Variants in SYT7 observed in about 807,000 individuals in gnomAD.
SYT7 encodes synaptotagmin-7.
A neutral mutation model predicts 75.1 loss-of-function variants in SYT7; 29 were observed. The observed-to-expected ratio is 0.39, with a 90% CI of 0.29 to 0.53. The LOEUF is 0.53. Ranked by LOEUF, SYT7 falls within the 20% of genes least tolerant of loss-of-function variation. The pLI is 0.77. For synonymous variants in SYT7, 376 were observed against 401.7 expected, an observed-to-expected ratio of 0.94 and a Z score of 0.76; for missense variants, 693 against 953.2, an observed-to-expected ratio of 0.73 and a Z score of 3.59.
At chr11:61,563,658 G>A (rs773740879) in intron 1 of SYT7, among the ~76,000 whole-genome samples, 1 of 152,256 alleles carries the variant, frequency 6.6e-6, no homozygotes, top group Non-Finnish European at 1.5e-5. Flanking sequence ...CCACAAGCAG[G>A]CCAACCCTTG....
rs537638704 is a variant in SYT7, at chr11:61,551,822, C to T, written c.136-359G>A. 2.0e-5 allele frequency among the ~76,000 whole-genome samples: 3 copies of T among 152,284 alleles called. No homozygotes were observed. The highest frequency in any genetic ancestry group is 1.9e-4 in the East Asian group (1 of 5,172). On this transcript the variant is annotated intron_variant, in intron 2 of 12. Coordinates refer to ENST00000539008, the MANE Select transcript of SYT7 (RefSeq NM_001365809.2). The surrounding 1 kb of genome is among the most constrained non-coding windows in gnomAD (Gnocchi z 5.3). The stretch of plus-strand genomic sequence containing the variant: ...CAGACGGCTCTCAGGCGCCTGGCCA[C>T]GTCACACTGTCCACGTCACCGCCCC...
At chr11:61,550,856 G>A (rs1010822055) in intron 3 of SYT7, among the ~76,000 whole-genome samples, 1 of 152,180 alleles carries the variant, frequency 6.6e-6, no homozygotes, top group African/African-American at 2.4e-5. Context: ...AGCGGCCGGT[G>A]GGGTTGACGG....
chr11:61,530,731 G>T, intron 8 of SYT7: 1 of 910,794 alleles, frequency 1.1e-6, no homozygotes, highest in Non-Finnish European at 1.3e-6. Flanking sequence ...CAAACAGTGT[G>T]GTCTTGGGAA....
At chr11:61,532,758 T>G (rs1301339229) in intron 8 of SYT7, among the ~76,000 whole-genome samples, 1 of 152,130 alleles carries the variant, frequency 6.6e-6, no homozygotes, top group East Asian at 1.9e-4. Flanking sequence ...AACTGAGACA[T>G]GGAGAAGATA....
chr11:61,526,490 C>T (rs2062520234), intron 9 of SYT7: 1 of 152,212 alleles, frequency 6.6e-6, no homozygotes, highest in Non-Finnish European at 1.5e-5. Context: ...ATACTGGCTT[C>T]CTGCAGCTCC....
At chr11:61,538,399 G>GAGAGAGAGAGAGAGAGAGAGAGAGAC (rs1565180504) in intron 6 of SYT7, 133 bp from the exon 7 acceptor site, 1 of 759,252 alleles carries the variant, frequency 1.3e-6, no homozygotes, top group African/African-American at 1.8e-5. Flanking sequence ...AAGAGAGAGA[G>GAGAGAGAGAGAGAGAGAGAGAGAGAC]AGAGACAGAG....
chr11:61,538,099 T>G (rs1334397717), intron 7 of SYT7, 45 bp downstream of exon 7: 55 of 1,532,730 alleles, frequency 3.6e-5, no homozygotes, highest in Non-Finnish European at 4.6e-5. Context: ...TCTCCGCGCC[T>G]CCTTCTCTGC....
In SYT7 at chr11:61,576,542, G is replaced by A. The variant is rs1323663605; in HGVS notation, c.31+4248C>T. Among the ~76,000 whole-genome samples the A allele has an allele frequency of 6.6e-6, 1 of 152,206 alleles. No homozygotes were observed. Among genetic ancestry groups the A allele is most frequent in the East Asian group, 1.9e-4 (1 of 5,200 alleles). On this transcript the variant is annotated intron_variant, in intron 1 of 12. Transcript: ENST00000539008. This position sits in a 1 kb window ranked among gnomAD's most constrained non-coding sequence, Gnocchi z 4.1. Reference sequence around the variant, plus strand: ...AAGCCAACTCATTCTCCAGCTGGGGGTCATCAGCTCCGGACTGGGCCTCCC... The same window carrying A: ...AAGCCAACTCATTCTCCAGCTGGGGATCATCAGCTCCGGACTGGGCCTCCC...
chr11:61,533,193 G>A, intron 7 of SYT7, 69 bp from the exon 8 acceptor site: 1 of 1,496,330 alleles, frequency 6.7e-7, no homozygotes, highest in Non-Finnish European at 8.9e-7. Flanking sequence ...CGGCCTGGGG[G>A]GTGGCAGGAC....
intron 9 of SYT7, 108 bp downstream of exon 9, chr11:61,527,807 G>A: frequency 7.5e-7 from 1 of 1,328,760 alleles, no homozygotes; most frequent in Non-Finnish European, 1.0e-6. Flanking sequence ...GGGCCTGCAG[G>A]TGTGTGTACA....
At chr11:61,568,192 A>C (rs1230022548) in intron 1 of SYT7, among the ~76,000 whole-genome samples, 1 of 144,610 alleles carries the variant, frequency 6.9e-6, no homozygotes, top group Non-Finnish European at 1.5e-5. Flanking sequence ...CTGTTCCCCC[A>C]CCCTACAGGT....
chr11:61,532,121 C>T (rs1437853405), intron 8 of SYT7, among the ~76,000 whole-genome samples: 1 of 152,004 alleles, frequency 6.6e-6, no homozygotes, highest in Non-Finnish European at 1.5e-5. Context: ...CTGGGAGCTC[C>T]CAAGCCTACT....
rs1309909223 is a variant in SYT7 at position 61,542,516 on chromosome 11, C to T, written c.636G>A (p.Glu212=). The part of the protein sequence containing the change: ...TLESIPSSTG[E]PKCQRPRTLM... ...GGGTGCGGGGTCGCTGGCATTTCGG[C>T]TCTCCCGTGGAGCTGGGGATAGACT... is the stretch of plus-strand genomic sequence containing the variant. The change falls in exon 6 of 13, where the codon GAG becomes GAA. Residue 212 remains glutamate (E), a synonymous_variant. Transcript: ENST00000539008. This position sits in a 1 kb window ranked among gnomAD's most constrained non-coding sequence, Gnocchi z 7.8. 1.3e-6 allele frequency: 2 copies of T among 1,531,532 alleles called. No individual in the cohort carries two copies. The highest frequency in any genetic ancestry group is 1.7e-6 in the Non-Finnish European group (2 of 1,145,020). 94.9% of individuals were successfully genotyped at this position (1,531,532 alleles called of 1,614,324 possible).
At chr11:61,581,321 C>T (rs2064267368), upstream of SYT7, among the ~76,000 whole-genome samples, 2 of 150,130 alleles carry the variant, frequency 1.3e-5, no homozygotes, top group African/African-American at 2.4e-5. Flanking sequence ...CGGGGAGGGC[C>T]GCCGAGCCCC....
intron 8 of SYT7, 121 bp downstream of exon 8, chr11:61,532,868 G>T: frequency 7.1e-7 from 1 of 1,417,404 alleles, no homozygotes; most frequent in South Asian, 1.4e-5. Flanking sequence ...GGCTGCTTCT[G>T]ACCCAGTTCC....
intron 12 of SYT7, among the ~76,000 whole-genome samples, chr11:61,520,625 C>A (rs932034652): frequency 5.9e-5 from 9 of 152,032 alleles, no homozygotes; most frequent in African/African-American, 2.2e-4. Flanking sequence ...AGGAGTTCAA[C>A]CAGCCTGGCC....
At chr11:61,554,432 G>A (rs967409847) in intron 2 of SYT7, among the ~76,000 whole-genome samples, 2 of 151,862 alleles carry the variant, frequency 1.3e-5, no homozygotes, top group African/African-American at 2.4e-5. Context: ...GAACGGACAC[G>A]CACAGACAGA....
At position 61,524,462 on chromosome 11, in the gene SYT7, G is replaced by T. The variant is rs768846338; in HGVS notation, c.1542C>A (p.Arg514=). ...TGGACACCTCCCCAATGGGGTCGTT[G>T]CGGCTGAAGCGGTCATAGTCCAGGA... ...LQVLDYDRFS[R]NDPIGEVSIP... Residue 514 remains arginine (R), a synonymous_variant, in exon 10 of 13, where the codon CGC becomes CGA. Transcript: ENST00000539008. This position sits in a 1 kb window ranked among gnomAD's most constrained non-coding sequence, Gnocchi z 4.1. 1 of 1,613,300 alleles carries T rather than the reference G, an allele frequency of 6.2e-7. No individual in the cohort carries two copies. The highest frequency in any genetic ancestry group is 8.5e-7 in the Non-Finnish European group (1 of 1,179,624).
chr11:61,574,621 C>G (rs2064017073), intron 1 of SYT7, among the ~76,000 whole-genome samples: 1 of 151,732 alleles, frequency 6.6e-6, no homozygotes, highest in African/African-American at 2.4e-5. Flanking sequence ...TGACCCCCAT[C>G]CTTGGATGGG....
Sources: allele counts gnomAD v4.1 joint callset (sites outside exome capture counted in the v4.1 genomes callset), GRCh38; gene constraint gnomAD v4.1.1; non-coding constraint Gnocchi (gnomAD v3.1); transcripts MANE v1.5; gene names NCBI Gene and HGNC (gene_info 2026-07-23, HGNC 2026-07-21).